IFT88: variants seen among roughly 807,000 people sequenced by gnomAD.
IFT88 encodes intraflagellar transport protein 88 homolog.
Under a neutral mutation model 119.5 loss-of-function variants are expected in IFT88, and 74 were observed. The ratio of observed to expected loss-of-function variants is 0.62; its 90% CI spans 0.51 to 0.75. IFT88 has a LOEUF of 0.75. Among genes scored for constraint, IFT88 ranks in the 30% least tolerant of loss-of-function variants. The pLI is 0.00. For synonymous variants in IFT88, 279 were observed against 316.7 expected (o/e 0.88, Z 1.26); for missense variants, 961 against 977.7 (o/e 0.98, Z 0.23).
intron 20 of IFT88, among the ~76,000 whole-genome samples, chr13:20,653,431 G>A (rs1175303613): frequency 3.9e-5 from 6 of 151,982 alleles, no homozygotes; most frequent in Admixed American, 3.9e-4. Context: ...CTTTTTAATG[G>A]ACAAAAAGGG....
At chr13:20,577,847 A>G (rs2037700129) in intron 2 of IFT88, among the ~76,000 whole-genome samples, 1 of 152,002 alleles carries the variant, frequency 6.6e-6, no homozygotes, top group South Asian at 2.1e-4. Flanking sequence ...AGGTTTTGGT[A>G]TCGGTAATAC....
intron 13 of IFT88, among the ~76,000 whole-genome samples, chr13:20,609,863 G>C (rs565611009): frequency 3.9e-5 from 6 of 152,330 alleles, no homozygotes; most frequent in Admixed American, 3.9e-4. Flanking sequence ...TGAGTGCTCA[G>C]GTCTGAGCTG....
intron 15 of IFT88, among the ~76,000 whole-genome samples, chr13:20,626,956 A>G (rs1419043798): frequency 6.6e-6 from 1 of 152,222 alleles, no homozygotes; most frequent in East Asian, 1.9e-4. Context: ...CTTTCAGTTT[A>G]TCTTCCTATT....
chr13:20,655,265 C>T (rs1016890045), intron 21 of IFT88, among the ~76,000 whole-genome samples: 2 of 151,900 alleles, frequency 1.3e-5, no homozygotes, highest in Non-Finnish European at 2.9e-5. Flanking sequence ...AACCCCATCT[C>T]TACTAATAAT....
chr13:20,608,199 G>GC, intron 13 of IFT88: 1 of 284,110 alleles, frequency 3.5e-6, no homozygotes. Flanking sequence ...GGCTTCCCCT[G>GC]CCCCCACAGC....
At chr13:20,579,159 C>T (rs2038046384) in intron 2 of IFT88, among the ~76,000 whole-genome samples, 1 of 152,182 alleles carries the variant, frequency 6.6e-6, no homozygotes. Flanking sequence ...CTATAAACTT[C>T]TCTCTTAATA....
chr13:20,601,976 C>T (rs779119004), intron 12 of IFT88, 43 bp downstream of exon 12: 1 of 1,076,968 alleles, frequency 9.3e-7, no homozygotes, highest in Non-Finnish European at 1.4e-6. Flanking sequence ...TCCCACTTAT[C>T]TGTGCTTTTC....
chr13:20,646,659 A>G (rs2050803716), intron 20 of IFT88, among the ~76,000 whole-genome samples: 1 of 151,930 alleles, frequency 6.6e-6, no homozygotes, highest in African/African-American at 2.4e-5. Flanking sequence ...AGCTGTCTGA[A>G]CATAACCTCT....
chr13:20,627,815 C>CT (rs1296006882), intron 15 of IFT88, among the ~76,000 whole-genome samples: 1 of 149,564 alleles, frequency 6.7e-6, no homozygotes, highest in Non-Finnish European at 1.5e-5. Flanking sequence ...AATAAACACT[C>CT]TAATTTTTTA....
chr13:20,616,749 G>A (rs1165526009), intron 14 of IFT88, among the ~76,000 whole-genome samples: 1 of 152,102 alleles, frequency 6.6e-6, no homozygotes, highest in African/African-American at 2.4e-5. Flanking sequence ...ATAATTGTAT[G>A]TGCTGTGCTT....
At chr13:20,661,872 C>G (rs540106922) in intron 22 of IFT88, among the ~76,000 whole-genome samples, 17 of 152,172 alleles carry the variant, frequency 1.1e-4, no homozygotes, top group South Asian at 8.3e-4. Flanking sequence ...CAATTCTTGA[C>G]ATAGAACCCC....
intron 16 of IFT88, among the ~76,000 whole-genome samples, chr13:20,637,990 G>A (rs1480239838): frequency 6.6e-6 from 1 of 152,202 alleles, no homozygotes; most frequent in Non-Finnish European, 1.5e-5. Context: ...AAGAAGGGTA[G>A]TGCTTTTGTG....
chr13:20,673,224 C>G (rs2056170962), intron 24 of IFT88, among the ~76,000 whole-genome samples: 2 of 150,988 alleles, frequency 1.3e-5, no homozygotes, highest in Non-Finnish European at 1.5e-5. Flanking sequence ...GTTAAGTTCT[C>G]TGACCCTTCC....
chr13:20,617,974 CAG>C (rs1446232355), intron 14 of IFT88, among the ~76,000 whole-genome samples: 1 of 152,046 alleles, frequency 6.6e-6, no homozygotes, highest in Non-Finnish European at 1.5e-5. Flanking sequence ...TTAGTAGAGA[CAG>C]GGTTTCGCCG....
chr13:20,647,204 A>C (rs945222077), intron 20 of IFT88, among the ~76,000 whole-genome samples: 11 of 152,166 alleles, frequency 7.2e-5, no homozygotes, highest in African/African-American at 2.7e-4. Context: ...TCTCCTTCTC[A>C]GTGACAGAAA....
intron 14 of IFT88, among the ~76,000 whole-genome samples, chr13:20,624,735 G>T (rs2047044391): frequency 6.6e-6 from 1 of 152,100 alleles, no homozygotes; most frequent in Admixed American, 6.5e-5. Flanking sequence ...CTTCCAGGAG[G>T]AGGCCACTCA....
intron 21 of IFT88, 143 bp downstream of exon 21, chr13:20,654,071 G>A (rs915979512): frequency 7.0e-6 from 3 of 428,858 alleles, no homozygotes; most frequent in Non-Finnish European, 1.2e-5. Context: ...AGCATTGTAT[G>A]AAAAACACAA....
At chr13:20,607,836 C>A in intron 13 of IFT88, 3 of 731,456 alleles carry the variant, frequency 4.1e-6, no homozygotes, top group South Asian at 4.0e-5. Flanking sequence ...GAATCATGGT[C>A]ATCACAGTGT....
At chr13:20,672,888 G>A (rs1218155130) in intron 24 of IFT88, among the ~76,000 whole-genome samples, 1 of 152,072 alleles carries the variant, frequency 6.6e-6, no homozygotes, top group East Asian at 1.9e-4. Context: ...GAGGGTCATG[G>A]ATGTGTACCA....
Sources: gnomAD v4.1 joint callset for allele counts (sites outside exome capture counted in the v4.1 genomes callset) on GRCh38, gnomAD v4.1.1 for gene constraint, MANE v1.5 for transcripts, NCBI Gene and HGNC (gene_info 2026-07-23, HGNC 2026-07-21) for gene names.